Variants in AGAP1 observed in about 807,000 individuals in gnomAD.
The protein encoded by AGAP1 is arf-GAP with GTPase, ANK repeat and PH domain-containing protein 1.
A neutral mutation model predicts 105.3 loss-of-function variants in AGAP1; 29 were observed. The ratio of observed to expected loss-of-function variants is 0.28; its 90% confidence interval spans 0.21 to 0.38. AGAP1 has a LOEUF of 0.38. AGAP1 is among the 10% of genes least tolerant of loss of function. AGAP1 has a pLI of 1.00. For missense variants in AGAP1, 998 were observed against 1,165.1 expected (o/e 0.86, Z 2.09); for synonymous variants, 509 against 485.9 (o/e 1.05, Z -0.63).
At position 236,083,157 on chromosome 2, in the gene AGAP1, A is replaced by G. The variant is rs542361532; in HGVS notation, c.2114+33876A>G. Among the ~76,000 whole-genome samples, 3 of 143,642 alleles carry G rather than the reference A, an allele frequency of 2.1e-5. No homozygotes were observed. The East Asian group carries it at 6.6e-4, about 32-fold the overall frequency. The allele number at this position is 143,642 out of a possible 152,430, so 94.2% of individuals were successfully genotyped here. Reference sequence around the variant, plus strand: ...GCAACGAGCGAAATTCCATCTCAAAAAAAAAGAAAAAGAAAAGAGGCCTCG... The same window carrying G: ...GCAACGAGCGAAATTCCATCTCAAAGAAAAAGAAAAAGAAAAGAGGCCTCG... On this transcript the variant is annotated intron_variant, in intron 16 of 17. Transcript: ENST00000304032. The surrounding 1 kb of genome is among the most constrained non-coding windows in gnomAD (Gnocchi z 5.3).
In AGAP1 at chr2:236,000,715, A is replaced by T. The variant is rs889362234; in HGVS notation, c.1645+32092A>T. On this transcript the variant is annotated intron_variant, in intron 13 of 17. Coordinates refer to ENST00000304032, the MANE Select transcript of AGAP1 (RefSeq NM_001037131.3). This position sits in a 1 kb window ranked among gnomAD's most constrained non-coding sequence, Gnocchi z 4.3. ...CAGATAGTGGCACATGCCTGAGGCA[A>T]TCAGCCCCGATGGTGTGGCGGGGCA... Among the ~76,000 whole-genome samples the T allele has an allele frequency of 5.3e-5, 8 of 152,346 alleles. No individual in the cohort carries two copies. The highest frequency in any genetic ancestry group is 1.2e-4 in the Non-Finnish European group (8 of 68,044).
At chr2:236,075,783 T>G (rs1368085353) in intron 16 of AGAP1, among the ~76,000 whole-genome samples, 1 of 152,220 alleles carries the variant, frequency 6.6e-6, no homozygotes, top group Non-Finnish European at 1.5e-5. Flanking sequence ...GAGAGCTGAT[T>G]GCTGCCCAGT....
intron 12 of AGAP1, among the ~76,000 whole-genome samples, chr2:235,955,812 G>A (rs2053922909): frequency 6.6e-6 from 1 of 152,126 alleles, no homozygotes; most frequent in South Asian, 2.1e-4. Context: ...GCCTGAGTTT[G>A]GTGTATTGCT....
At position 235,830,036 on chromosome 2, in the gene AGAP1, T is replaced by TG. The variant is rs1298296777; in HGVS notation, c.1050+22710dup. ...GGACATACACAGTCAGAAGGAAGAC[T>TG]GGGGGTCGGGGTGGGACAGCATGAT... is the stretch of plus-strand genomic sequence containing the variant. On this transcript the variant is annotated intron_variant, in intron 9 of 17. Coordinates refer to ENST00000304032, the MANE Select transcript of AGAP1 (RefSeq NM_001037131.3). The surrounding 1 kb of genome is among the most constrained non-coding windows in gnomAD (Gnocchi z 5.5). Among the ~76,000 whole-genome samples the TG allele has an allele frequency of 6.6e-6, 1 of 151,884 alleles. No homozygotes were observed. Among genetic ancestry groups the TG allele is most frequent in the Non-Finnish European group, 1.5e-5 (1 of 67,972 alleles).
chr2:235,560,685 A>G (rs903575526), intron 1 of AGAP1, among the ~76,000 whole-genome samples: 8 of 152,200 alleles, frequency 5.3e-5, no homozygotes, highest in African/African-American at 1.9e-4. Context: ...TTCGGAAAAG[A>G]TGAGGAAACT....
chr2:235,543,816 C>A (rs905990490), intron 1 of AGAP1, among the ~76,000 whole-genome samples: 2 of 152,196 alleles, frequency 1.3e-5, no homozygotes, highest in Admixed American at 6.5e-5. Flanking sequence ...TCTGAGCTCA[C>A]ACTGGCCCTA....
intron 1 of AGAP1, among the ~76,000 whole-genome samples, chr2:235,537,982 C>T (rs1943297633): frequency 6.6e-6 from 1 of 152,186 alleles, no homozygotes; most frequent in Non-Finnish European, 1.5e-5. Flanking sequence ...TAAGAGGCTT[C>T]TTGTTAGCTG....
intron 10 of AGAP1, among the ~76,000 whole-genome samples, chr2:235,885,691 G>T (rs371514989): frequency 7.9e-5 from 12 of 152,172 alleles, no homozygotes; most frequent in Admixed American, 3.9e-4. Flanking sequence ...GCTTGCTGGC[G>T]TCTTGAGTTG....
rs1190996667 is a variant in AGAP1 at position 235,639,404 on chromosome 2, G to C, written c.164-69775G>C. Among the ~76,000 whole-genome samples, 3 of 152,180 alleles carry C rather than the reference G, an allele frequency of 2.0e-5. No individual in the cohort carries two copies. The highest frequency in any genetic ancestry group is 7.2e-5 in the African/African-American group (3 of 41,448). ...GAGAAGTCGGCCTGCGATAGAACCC[G>C]GGGAATCCCAGTGTTTCCAGGGTGG... On this transcript the variant is annotated intron_variant, in intron 1 of 17. Transcript: ENST00000304032. The surrounding 1 kb of genome is among the most constrained non-coding windows in gnomAD (Gnocchi z 5.3).
rs995291755 is a variant in AGAP1, at chr2:235,845,543, C to T, written c.1051-37802C>T. 2.6e-5 allele frequency among the ~76,000 whole-genome samples: 4 copies of T among 152,064 alleles called. No individual in the cohort carries two copies. Among genetic ancestry groups the T allele is most frequent in the African/African-American group, 9.7e-5 (4 of 41,412 alleles). ...CACCACTATCCACCGACAGCCCAGC[C>T]GGTCGACAGCAGACCTTTCCTTCCA... On this transcript the variant is annotated intron_variant, in intron 9 of 17. Coordinates refer to ENST00000304032, the MANE Select transcript of AGAP1 (RefSeq NM_001037131.3). The surrounding 1 kb of genome is among the most constrained non-coding windows in gnomAD (Gnocchi z 4.8).
At chr2:235,892,841 G>C (rs1014046632) in intron 10 of AGAP1, among the ~76,000 whole-genome samples, 6 of 152,180 alleles carry the variant, frequency 3.9e-5, no homozygotes, top group African/African-American at 1.4e-4. Flanking sequence ...CATTGAAACA[G>C]TCAGAATAAC....
intron 1 of AGAP1, among the ~76,000 whole-genome samples, chr2:235,562,442 C>T (rs1033306266): frequency 3.2e-4 from 48 of 152,180 alleles, no homozygotes; most frequent in South Asian, 1.2e-3. Flanking sequence ...CTGAATAGCA[C>T]GGATTGCACG....
Position 235,963,206 on chromosome 2 carries a change from G to T in AGAP1, c.1484-5256G>T, listed in dbSNP as rs1213757487. 6.6e-6 allele frequency among the ~76,000 whole-genome samples: 1 copy of T among 152,174 alleles called. No homozygotes were observed. The highest frequency in any genetic ancestry group is 6.5e-5 in the Admixed American group (1 of 15,280). The stretch of plus-strand genomic sequence containing the variant: ...GAGAATTATAAATATTGCAAGATAT[G>T]GAGAAAGCTTAGAAATGAGAGGGCC... On this transcript the variant is annotated intron_variant, in intron 12 of 17. Transcript: ENST00000304032. The surrounding 1 kb of genome is among the most constrained non-coding windows in gnomAD (Gnocchi z 5.1).
chr2:235,996,234 TGCTGCCAGCA>T (rs2055808130), intron 13 of AGAP1, among the ~76,000 whole-genome samples: 2 of 152,224 alleles, frequency 1.3e-5, no homozygotes, highest in Non-Finnish European at 2.9e-5. Flanking sequence ...AACTCAAAGC[TGCTGCCAGCA>T]GGGCACCCGC....
At position 235,596,417 on chromosome 2, in the gene AGAP1, C is replaced by G. The variant is rs1945527196; in HGVS notation, c.163+101568C>G. 6.6e-6 allele frequency among the ~76,000 whole-genome samples: 1 copy of G among 152,204 alleles called. No homozygotes were observed. Among genetic ancestry groups the G allele is most frequent in the African/African-American group, 2.4e-5 (1 of 41,452 alleles). The stretch of plus-strand genomic sequence containing the variant: ...CCAGAGACTTACTCCAGCTGCTTAA[C>G]TCCGGTGTGCCTGGAGTCACCTTGG... On this transcript the variant is annotated intron_variant, in intron 1 of 17. Transcript: ENST00000304032. The surrounding 1 kb of genome is among the most constrained non-coding windows in gnomAD (Gnocchi z 5.9).
chr2:236,032,453 C>G (rs1389092710), intron 13 of AGAP1, among the ~76,000 whole-genome samples: 1 of 152,140 alleles, frequency 6.6e-6, no homozygotes, highest in African/African-American at 2.4e-5. Flanking sequence ...TGGTGCCCAT[C>G]AGCAACGTCA....
chr2:236,037,134 G>A (rs879658173), intron 14 of AGAP1: 6 of 178,388 alleles, frequency 3.4e-5, no homozygotes, highest in African/African-American at 9.6e-5. Flanking sequence ...TCTCTTGTTA[G>A]GGACATAAAT....
rs1282690864 is a variant in AGAP1 at position 235,714,655 on chromosome 2, G to T, written c.223-2902G>T. Among the ~76,000 whole-genome samples, 1 of 151,990 alleles carries T rather than the reference G, an allele frequency of 6.6e-6. No homozygotes were observed. The highest frequency in any genetic ancestry group is 2.4e-5 in the African/African-American group (1 of 41,386). ...ATGAGTAGAGAGTGGGAGCGGCCAG[G>T]ACTGGGTGACAGAGAACATTTGGAT... On this transcript the variant is annotated intron_variant, in intron 2 of 17. Transcript: ENST00000304032. This position sits in a 1 kb window ranked among gnomAD's most constrained non-coding sequence, Gnocchi z 4.1.
rs1946100797 is a variant in AGAP1 at position 235,610,792 on chromosome 2, CA to C, written c.164-98386del. The stretch of plus-strand genomic sequence containing the variant: ...GAGGAGGTGCGCTAAGACTGGGCCA[CA>C]GGTGTGCTCTGGTTCAGAAAACTCT... On this transcript the variant is annotated intron_variant, in intron 1 of 17. Coordinates refer to ENST00000304032, the MANE Select transcript of AGAP1 (RefSeq NM_001037131.3). This position sits in a 1 kb window ranked among gnomAD's most constrained non-coding sequence, Gnocchi z 4.9. 6.6e-6 allele frequency among the ~76,000 whole-genome samples: 1 copy of C among 152,104 alleles called. No individual in the cohort carries two copies. The highest frequency in any genetic ancestry group is 1.5e-5 in the Non-Finnish European group (1 of 68,024).
Sources: gnomAD v4.1 joint callset for allele counts (sites outside exome capture counted in the v4.1 genomes callset) on GRCh38, gnomAD v4.1.1 for gene constraint, Gnocchi (gnomAD v3.1) non-coding constraint, MANE v1.5 for transcripts, NCBI Gene and HGNC (gene_info 2026-07-23, HGNC 2026-07-21) for gene names.